Variants in CCDC91 observed in about 807,000 individuals in gnomAD.
CCDC91 encodes coiled-coil domain containing 91.
A neutral mutation model predicts 63.2 loss-of-function variants in CCDC91; 48 were observed. That is an observed-to-expected ratio of 0.76 (90% CI 0.60 to 0.97). CCDC91 has a LOEUF of 0.97. CCDC91 is among the 50% of genes least tolerant of loss of function. The probability of loss-of-function intolerance (pLI) is 0.00; values close to 1 mark genes in which losing one functional copy is unlikely to be tolerated. For synonymous variants in CCDC91, 167 were observed against 165.8 expected, an observed-to-expected ratio of 1.01 and a Z score of -0.06; for missense variants, 500 against 494.6, an observed-to-expected ratio of 1.01 and a Z score of -0.10.
intron 12 of CCDC91, among the ~76,000 whole-genome samples, chr12:28,520,841 T>C (rs1372511078): frequency 4.6e-5 from 7 of 152,238 alleles, no homozygotes; most frequent in Non-Finnish European, 1.0e-4. Context: ...CGTTTCCCCA[T>C]TTCTTGTTTT....
At chr12:28,358,101 G>C (rs1943637000) in intron 6 of CCDC91, among the ~76,000 whole-genome samples, 2 of 152,092 alleles carry the variant, frequency 1.3e-5, no homozygotes, top group Non-Finnish European at 2.9e-5. Context: ...CTGTATTATA[G>C]GATAGTATTA....
chr12:28,267,349 A>G lies in CCDC91; in HGVS notation c.109+7907A>G, dbSNP rs561174335. On this transcript the variant is annotated intron_variant, in intron 3 of 12. Coordinates refer to ENST00000536442, the MANE Select transcript of CCDC91 (RefSeq NM_018318.5). ...TGTAGAAGTACTTATAGATTTTCCA[A>G]ATTCATTTTAGTGGTCGCATAGTAC... Among the ~76,000 whole-genome samples, 158 of 151,544 alleles carry G rather than the reference A, an allele frequency of 1.0e-3. 1 individual carries two copies. Among genetic ancestry groups the G allele is most frequent in the African/African-American group, 3.4e-3 (142 of 41,432 alleles).
chr12:28,524,355 G>A (rs1941058091), intron 12 of CCDC91, among the ~76,000 whole-genome samples: 1 of 151,736 alleles, frequency 6.6e-6, no homozygotes, highest in Non-Finnish European at 1.5e-5. Context: ...TTTGTCAAAT[G>A]GCTCATGTGA....
chr12:28,218,376 T>C (rs1943703902), intron 1 of CCDC91, among the ~76,000 whole-genome samples: 1 of 152,082 alleles, frequency 6.6e-6, no homozygotes, highest in Admixed American at 6.5e-5. Flanking sequence ...CTTCTTTCTG[T>C]ATATCATAGT....
intron 12 of CCDC91, among the ~76,000 whole-genome samples, chr12:28,528,065 C>A (rs765677565): frequency 2.6e-5 from 4 of 152,194 alleles, no homozygotes; most frequent in East Asian, 3.9e-4. Context: ...CTTCTCCCCC[C>A]ACCTGTGGAG....
At chr12:28,454,835 C>T (rs1381811462) in intron 11 of CCDC91, among the ~76,000 whole-genome samples, 1 of 151,992 alleles carries the variant, frequency 6.6e-6, no homozygotes, top group Non-Finnish European at 1.5e-5. Context: ...CTTGAGTTTT[C>T]CTACCAGTTT....
At chr12:28,502,175 A>G (rs529590950) in intron 12 of CCDC91, among the ~76,000 whole-genome samples, 35 of 152,022 alleles carry the variant, frequency 2.3e-4, no homozygotes, top group Admixed American at 2.3e-3. Flanking sequence ...TTGTATATCT[A>G]GAAAACCCCA....
intron 8 of CCDC91, among the ~76,000 whole-genome samples, chr12:28,421,222 T>A (rs556181760): frequency 6.6e-6 from 1 of 152,132 alleles, no homozygotes; most frequent in African/African-American, 2.4e-5. Flanking sequence ...TTAAAACTTA[T>A]TTTAGGTTCA....
At chr12:28,304,846 T>G (rs964624418) in intron 3 of CCDC91, 1 of 292,546 alleles carries the variant, frequency 3.4e-6, no homozygotes, top group African/African-American at 2.2e-5. Flanking sequence ...AAGTAATATA[T>G]GTACGACATG....
chr12:28,327,633 T>G (rs1050534057), intron 6 of CCDC91, among the ~76,000 whole-genome samples: 3 of 152,146 alleles, frequency 2.0e-5, no homozygotes, highest in Non-Finnish European at 4.4e-5. Flanking sequence ...TTCTTTCTTT[T>G]GCCTATTAAA....
At chr12:28,418,763 A>C (rs372088443) in intron 8 of CCDC91, among the ~76,000 whole-genome samples, 9 of 152,242 alleles carry the variant, frequency 5.9e-5, no homozygotes, top group African/African-American at 2.2e-4. Flanking sequence ...CCTTAAATTA[A>C]ATAAAAAGTT....
At chr12:28,516,893 C>T (rs191422763) in intron 12 of CCDC91, among the ~76,000 whole-genome samples, 15 of 152,044 alleles carry the variant, frequency 9.9e-5, no homozygotes, top group African/African-American at 3.4e-4. Context: ...AATACTCTTA[C>T]AATGGCAGTT....
intron 1 of CCDC91, among the ~76,000 whole-genome samples, chr12:28,196,205 T>C (rs11049438): frequency 0.26 from 39,709 of 152,206 alleles, 5,455 homozygotes; most frequent in Non-Finnish European, 0.31. Context: ...TATTTTGTTA[T>C]GTTTGTATCT....
At position 28,263,147 on chromosome 12, in the gene CCDC91, C is replaced by T. The variant is rs754134172; in HGVS notation, c.109+3705C>T. Among the ~76,000 whole-genome samples the T allele has an allele frequency of 3.9e-4, 59 of 151,972 alleles. 1 individual carries two copies. Among genetic ancestry groups the T allele is most frequent in the Non-Finnish European group, 1.0e-4 (7 of 67,968 alleles). On this transcript the variant is annotated intron_variant, in intron 3 of 12. Transcript: ENST00000536442. ...TGGAGCTATCACTGAATTTGTTCTG[C>T]ATCTCATTAACTGCTACTTCTTTTG...
chr12:28,258,456 T>C (rs1272932404), intron 2 of CCDC91, among the ~76,000 whole-genome samples: 19 of 152,032 alleles, frequency 1.2e-4, no homozygotes, highest in African/African-American at 2.4e-5. Flanking sequence ...TATTACACTT[T>C]GTTATATTCA....
intron 12 of CCDC91, among the ~76,000 whole-genome samples, chr12:28,503,868 A>T (rs890026140): frequency 2.7e-5 from 4 of 150,576 alleles, no homozygotes; most frequent in Middle Eastern, 3.5e-3. Context: ...TCTCACTCAT[A>T]GGTAGGAATT....
chr12:28,429,799 CAG>C (rs1948530911), intron 8 of CCDC91, among the ~76,000 whole-genome samples: 1 of 151,882 alleles, frequency 6.6e-6, no homozygotes, highest in Admixed American at 6.6e-5. Context: ...TGAATTTTGA[CAG>C]ACTTACACAA....
At chr12:28,386,602 C>T (rs1945617249) in intron 7 of CCDC91, among the ~76,000 whole-genome samples, 1 of 152,216 alleles carries the variant, frequency 6.6e-6, no homozygotes, top group South Asian at 2.1e-4. Flanking sequence ...CTGCCAACAT[C>T]GTGATCCGCC....
rs1022216274 is a variant in CCDC91 at position 28,271,526 on chromosome 12, G to A, written c.109+12084G>A. ...ACTTGAATTTTTTAAAAAGTATTTC[G>A]TAATTTCCAAGTATGGGGCTTTTCC... On this transcript the variant is annotated intron_variant, in intron 3 of 12. Transcript: ENST00000536442. 5.9e-5 allele frequency among the ~76,000 whole-genome samples: 9 copies of A among 151,650 alleles called. No individual in the cohort carries two copies. In the South Asian group the frequency reaches 6.2e-4, roughly 10 times the overall value.
Sources: allele counts gnomAD v4.1 joint callset (sites outside exome capture counted in the v4.1 genomes callset), GRCh38; gene constraint gnomAD v4.1.1; transcripts MANE v1.5; gene names NCBI Gene and HGNC (gene_info 2026-07-23, HGNC 2026-07-21).